Variants in ADARB2 observed in about 807,000 individuals in gnomAD.
ADARB2 encodes the protein inactive double-stranded RNA-specific editase B2.
Under a neutral mutation model 62.2 loss-of-function variants are expected in ADARB2, and 25 were observed. The ratio of observed to expected loss-of-function variants is 0.40; its 90% CI spans 0.29 to 0.56. The LOEUF is 0.56. ADARB2 is among the 20% of genes least tolerant of loss of function. The probability of loss-of-function intolerance (pLI) is 0.43; values close to 1 mark genes in which losing one functional copy is unlikely to be tolerated. For missense variants in ADARB2, 1,071 were observed against 1,077.4 expected, an observed-to-expected ratio of 0.99 and a Z score of 0.08; for synonymous variants, 572 against 500.8, an observed-to-expected ratio of 1.14 and a Z score of -1.90.
At chr10:1,566,063 C>CAAAAAAAAAAA (rs376967105) in intron 1 of ADARB2, among the ~76,000 whole-genome samples, 11 of 128,060 alleles carry the variant, frequency 8.6e-5, no homozygotes, top group African/African-American at 3.3e-4. Context: ...CTCAGTCTAG[C>CAAAAAAAAAAA]AAAAAAAAAA....
chr10:1,233,639 G>T, intron 6 of ADARB2, 55 bp downstream of exon 6: 1 of 1,552,648 alleles, frequency 6.4e-7, no homozygotes, highest in South Asian at 1.2e-5. Flanking sequence ...CAGAGTCCCA[G>T]ATAGAGGGAG....
At position 1,363,039 on chromosome 10, in the gene ADARB2, G is replaced by A. The variant is rs754440582; in HGVS notation, c.1066C>T (p.Pro356Ser). The change falls in exon 3 of 10, where the codon CCA becomes TCA. Residue 356 changes from proline to serine, a missense_variant. Pro to Ser is a moderately conservative substitution (Grantham distance 74). Coordinates refer to ENST00000381312, the MANE Select transcript of ADARB2 (RefSeq NM_018702.4). ...GHAPGRARRT[P>S]MPQEFADSIS... The stretch of plus-strand genomic sequence containing the variant: ...GCCGCGCCCCTCACCTGCGGCATTG[G>A]CGTCCTCCTGGCCCTGCCGGGCGCG... 7.2e-7 allele frequency: 1 copy of A among 1,397,948 alleles called. No homozygotes were observed. The highest frequency in any genetic ancestry group is 9.3e-7 in the Non-Finnish European group (1 of 1,074,658). The allele number at this position is 1,397,948 out of a possible 1,614,324, so 86.6% of individuals were successfully genotyped here. A position where few individuals can be genotyped will look rare whatever the true frequency, so the allele number is the denominator to read the frequency against.
intron 1 of ADARB2, among the ~76,000 whole-genome samples, chr10:1,518,763 T>A (rs1419648828): frequency 6.6e-6 from 1 of 152,134 alleles, no homozygotes; most frequent in Non-Finnish European, 1.5e-5. Flanking sequence ...CCTTGTAATG[T>A]CTGCATGTGG....
intron 1 of ADARB2, among the ~76,000 whole-genome samples, chr10:1,391,911 G>A (rs1212956660): frequency 6.6e-6 from 1 of 151,436 alleles, no homozygotes; most frequent in Non-Finnish European, 1.5e-5. Flanking sequence ...AATAGCTGGT[G>A]CCCACCACCA....
intron 3 of ADARB2, among the ~76,000 whole-genome samples, chr10:1,346,946 C>T (rs1395840033): frequency 6.6e-6 from 1 of 152,258 alleles, no homozygotes; most frequent in Non-Finnish European, 1.5e-5. Flanking sequence ...CAAATGTTAC[C>T]AAGAAAGCAG....
At chr10:1,650,023 C>T (rs55664672) in intron 1 of ADARB2, among the ~76,000 whole-genome samples, 23,992 of 152,144 alleles carry the variant, frequency 0.16, 2,909 homozygotes, top group African/African-American at 0.34. Flanking sequence ...ACTACAAACC[C>T]TCCCTGAAGG....
intron 1 of ADARB2, among the ~76,000 whole-genome samples, chr10:1,409,174 C>G (rs1276811124): frequency 6.8e-6 from 1 of 146,890 alleles, no homozygotes; most frequent in African/African-American, 2.5e-5. Flanking sequence ...GGGCAGGTAT[C>G]TCTGCCTTCC....
chr10:1,288,911 C>T (rs1405378630), intron 3 of ADARB2, among the ~76,000 whole-genome samples: 1 of 152,210 alleles, frequency 6.6e-6, no homozygotes, highest in Non-Finnish European at 1.5e-5. Context: ...TCCAAATGGA[C>T]CCCTCTTCTC....
intron 1 of ADARB2, among the ~76,000 whole-genome samples, chr10:1,703,018 G>GA (rs948174328): frequency 1.3e-5 from 2 of 152,122 alleles, no homozygotes; most frequent in South Asian, 2.1e-4. Context: ...TGTATTATCA[G>GA]AAAAAAGACA....
At chr10:1,269,775 C>T (rs1831242407) in intron 4 of ADARB2, among the ~76,000 whole-genome samples, 2 of 152,300 alleles carry the variant, frequency 1.3e-5, no homozygotes, top group South Asian at 4.2e-4. Flanking sequence ...TATGGCGGTG[C>T]CCAATTGATG....
intron 4 of ADARB2, among the ~76,000 whole-genome samples, chr10:1,258,400 T>TA (rs545918439): frequency 9.2e-4 from 140 of 152,228 alleles, no homozygotes; most frequent in African/African-American, 3.3e-3. Context: ...CAGTGTGCTG[T>TA]ATTCAGGAAA....
At chr10:1,671,028 A>G (rs974026054) in intron 1 of ADARB2, among the ~76,000 whole-genome samples, 1 of 152,208 alleles carries the variant, frequency 6.6e-6, no homozygotes, top group Non-Finnish European at 1.5e-5. Flanking sequence ...TGGAATTTCA[A>G]ATTCTTTCTT....
At chr10:1,503,851 T>G (rs1424359560) in intron 1 of ADARB2, among the ~76,000 whole-genome samples, 1 of 152,112 alleles carries the variant, frequency 6.6e-6, no homozygotes, top group Non-Finnish European at 1.5e-5. Context: ...TGTCTTCACC[T>G]TCTGCCATGA....
chr10:1,618,554 A>AT (rs35095103), intron 1 of ADARB2, among the ~76,000 whole-genome samples: 84,564 of 146,862 alleles, frequency 0.58, 24,074 homozygotes, highest in African/African-American at 0.69. Context: ...TAAAAATCAG[A>AT]TTTTTTTTTG....
chr10:1,499,120 CTT>C (rs546673948), intron 1 of ADARB2, among the ~76,000 whole-genome samples: 159 of 151,652 alleles, frequency 1.0e-3, no homozygotes, highest in African/African-American at 3.6e-3. Flanking sequence ...TCCCTCAACA[CTT>C]ATTCATCACT....
intron 3 of ADARB2, among the ~76,000 whole-genome samples, chr10:1,305,555 G>A (rs1248926227): frequency 1.3e-5 from 2 of 152,174 alleles, no homozygotes; most frequent in Non-Finnish European, 2.9e-5. Flanking sequence ...CATTTTAGGA[G>A]GCCAGCATCA....
At chr10:1,584,533 G>T (rs550051549) in intron 1 of ADARB2, among the ~76,000 whole-genome samples, 1 of 152,182 alleles carries the variant, frequency 6.6e-6, no homozygotes, top group Non-Finnish European at 1.5e-5. Flanking sequence ...CAGTTCCATG[G>T]TTTCTAACAA....
intron 1 of ADARB2, among the ~76,000 whole-genome samples, chr10:1,543,395 C>T (rs957254002): frequency 6.6e-6 from 1 of 152,196 alleles, no homozygotes; most frequent in Admixed American, 6.5e-5. Flanking sequence ...GAATAGCAGA[C>T]GGGGACAACA....
chr10:1,201,455 G>A (rs1836983235), intron 7 of ADARB2, among the ~76,000 whole-genome samples: 1 of 152,184 alleles, frequency 6.6e-6, no homozygotes, highest in African/African-American at 2.4e-5. Flanking sequence ...TACAAGTCAC[G>A]GTGCTTCTCC....
Sources: gnomAD v4.1 joint callset for allele counts (sites outside exome capture counted in the v4.1 genomes callset) on GRCh38, gnomAD v4.1.1 for gene constraint, MANE v1.5 for transcripts, NCBI Gene and HGNC (gene_info 2026-07-23, HGNC 2026-07-21) for gene names.